Variants in SSBP2 observed in about 807,000 individuals in gnomAD.
SSBP2 encodes the protein single-stranded DNA-binding protein 2.
SSBP2 carries 17 observed loss-of-function variants against 61.8 expected under a neutral mutation model. The ratio of observed to expected loss-of-function variants is 0.28; its 90% CI spans 0.19 to 0.41. The LOEUF (loss-of-function observed/expected upper bound fraction) is 0.41. SSBP2 is among the 10% of genes least tolerant of loss of function. The pLI is 1.00. For synonymous variants in SSBP2, 139 were observed against 141.3 expected (o/e 0.98, Z 0.12); for missense variants, 310 against 458.7 (o/e 0.68, Z 2.96).
chr5:81,665,412 C>G (rs1751028989), intron 1 of SSBP2, among the ~76,000 whole-genome samples: 1 of 152,172 alleles, frequency 6.6e-6, no homozygotes, highest in South Asian at 2.1e-4. Context: ...ATCCTACACC[C>G]TTAAATCCCG....
At chr5:81,573,677 T>C (rs1326733528) in intron 4 of SSBP2, among the ~76,000 whole-genome samples, 1 of 152,174 alleles carries the variant, frequency 6.6e-6, no homozygotes, top group Non-Finnish European at 1.5e-5. Context: ...ATTAAGATTG[T>C]CAAATTATCT....
intron 1 of SSBP2, among the ~76,000 whole-genome samples, chr5:81,723,559 A>G (rs540399572): frequency 6.6e-6 from 1 of 152,166 alleles, no homozygotes; most frequent in East Asian, 1.9e-4. Context: ...GATGCGCATT[A>G]ACCCAAGTGC....
At chr5:81,572,367 C>T (rs942471373) in intron 4 of SSBP2, among the ~76,000 whole-genome samples, 1 of 152,096 alleles carries the variant, frequency 6.6e-6, no homozygotes, top group African/African-American at 2.4e-5. Flanking sequence ...TTGGAGAATA[C>T]AATTCTCTTA....
intron 4 of SSBP2, among the ~76,000 whole-genome samples, chr5:81,529,203 G>A (rs1452469413): frequency 6.6e-6 from 1 of 152,010 alleles, no homozygotes; most frequent in East Asian, 1.9e-4. Context: ...TAAAAACACA[G>A]CTATGGGGTA....
At chr5:81,699,970 C>A (rs573283182) in intron 1 of SSBP2, among the ~76,000 whole-genome samples, 1 of 151,442 alleles carries the variant, frequency 6.6e-6, no homozygotes, top group Admixed American at 6.6e-5. Context: ...ATCTTTCCAC[C>A]TGAAGTGGCT....
In SSBP2 at chr5:81,594,496, C is replaced by T. The variant is rs928850558; in HGVS notation, c.282+20977G>A. ...TCACCTCTGCACCAAGCGGACCTAACAGACATTTACAGAACTCTCCACCCC... is the reference window on the plus strand; with the variant it reads ...TCACCTCTGCACCAAGCGGACCTAATAGACATTTACAGAACTCTCCACCCC... On this transcript the variant is annotated intron_variant, in intron 4 of 16. Coordinates refer to ENST00000320672, the MANE Select transcript of SSBP2 (RefSeq NM_012446.5). Among the ~76,000 whole-genome samples the T allele has an allele frequency of 4.4e-4, 67 of 152,250 alleles. 1 individual carries two copies. Among genetic ancestry groups the T allele is most frequent in the African/African-American group, 1.4e-3 (57 of 41,542 alleles).
chr5:81,626,366 C>A (rs954334724), intron 3 of SSBP2, among the ~76,000 whole-genome samples: 2 of 152,140 alleles, frequency 1.3e-5, no homozygotes, highest in Non-Finnish European at 2.9e-5. Flanking sequence ...ATTATTATCC[C>A]CACTTTGTAG....
At chr5:81,745,709 C>A (rs1348681620) in intron 1 of SSBP2, among the ~76,000 whole-genome samples, 1 of 151,978 alleles carries the variant, frequency 6.6e-6, no homozygotes, top group Admixed American at 6.5e-5. Flanking sequence ...CCTAGTAGTT[C>A]CATGTCTTTC....
intron 10 of SSBP2, among the ~76,000 whole-genome samples, chr5:81,453,390 C>A (rs550939755): frequency 1.3e-5 from 2 of 150,670 alleles, no homozygotes; most frequent in South Asian, 4.2e-4. Context: ...AAAAGTCAAG[C>A]AAGTTAGATT....
intron 1 of SSBP2, among the ~76,000 whole-genome samples, chr5:81,726,849 G>C (rs909720467): frequency 6.6e-6 from 1 of 152,120 alleles, no homozygotes. Context: ...CACTTTCACA[G>C]CATTAATTGA....
chr5:81,473,803 T>G, intron 7 of SSBP2, 33 bp from the exon 8 acceptor site: 1 of 1,589,152 alleles, frequency 6.3e-7, no homozygotes, highest in Non-Finnish European at 8.6e-7. Flanking sequence ...AGCAAAGTAA[T>G]GAGCATGAGT....
chr5:81,660,942 G>A (rs1750632276), intron 1 of SSBP2, among the ~76,000 whole-genome samples: 1 of 151,874 alleles, frequency 6.6e-6, no homozygotes, highest in Non-Finnish European at 1.5e-5. Flanking sequence ...TCAGTCATAA[G>A]TGGGAGTTGA....
At chr5:81,696,416 T>C (rs1029593230) in intron 1 of SSBP2, among the ~76,000 whole-genome samples, 4 of 152,140 alleles carry the variant, frequency 2.6e-5, no homozygotes, top group African/African-American at 4.8e-5. Flanking sequence ...AAGGAAGAAA[T>C]TCCCTCTCAC....
chr5:81,461,115 T>G lies in SSBP2; in HGVS notation c.639-12A>C, dbSNP rs770024617. 1 of 1,575,290 alleles carries G rather than the reference T, an allele frequency of 6.3e-7. No individual in the cohort carries two copies. The highest frequency in any genetic ancestry group is 2.3e-5 in the East Asian group (1 of 43,676). ...CACCACCTGGACCCCTACAAAACAA[T>G]TTGATAAATGAAATTTTAACCTATG... On this transcript the variant is annotated splice_polypyrimidine_tract_variant and intron_variant, in intron 9 of 16. Transcript: ENST00000320672.
rs149657952 is a variant in SSBP2, at chr5:81,659,366, T to A, written c.63-9027A>T. Among the ~76,000 whole-genome samples the A allele has an allele frequency of 6.8e-3, 1,030 of 151,958 alleles. 3 individuals carry two copies. The highest frequency in any genetic ancestry group is 0.011 in the Non-Finnish European group (752 of 67,900). ...CAAAAATCACAAGCATTCCTATACA[T>A]TAACAAAAGACAAGTAGAGAGCCAA... On this transcript the variant is annotated intron_variant, in intron 1 of 16. Transcript: ENST00000320672.
Position 81,645,233 on chromosome 5 carries a change from A to G in SSBP2, c.135+5034T>C, listed in dbSNP as rs372947858. On this transcript the variant is annotated intron_variant, in intron 2 of 16. Coordinates refer to ENST00000320672, the MANE Select transcript of SSBP2 (RefSeq NM_012446.5). ...AGCAATTGCTTTTACCTCCTATACT[A>G]TATTGCCTCAAAATTAAAGTTCGAG... Among the ~76,000 whole-genome samples the G allele has an allele frequency of 4.9e-3, 748 of 152,326 alleles. 10 individuals are homozygous for G. The highest frequency in any genetic ancestry group is 0.018 in the African/African-American group (732 of 41,568).
At chr5:81,479,785 C>T (rs1435398020) in intron 6 of SSBP2, among the ~76,000 whole-genome samples, 1 of 152,030 alleles carries the variant, frequency 6.6e-6, no homozygotes, top group Non-Finnish European at 1.5e-5. Context: ...ATTATTCATC[C>T]TTTTTAATGA....
chr5:81,595,670 T>G (rs2153536101), intron 4 of SSBP2, among the ~76,000 whole-genome samples: 1 of 152,332 alleles, frequency 6.6e-6, no homozygotes, highest in Admixed American at 6.5e-5. Context: ...ATCCCTGGGA[T>G]GCAAGGCTGG....
At chr5:81,448,145 CCT>C (rs1441448451) in intron 11 of SSBP2, 1 of 152,090 alleles carries the variant, frequency 6.6e-6, no homozygotes, top group Non-Finnish European at 1.5e-5. Context: ...AACGTATTTT[CCT>C]CTGTGTTGAC....
Sources: gnomAD v4.1 joint callset for allele counts (sites outside exome capture counted in the v4.1 genomes callset) on GRCh38, gnomAD v4.1.1 for gene constraint, MANE v1.5 for transcripts, NCBI Gene and HGNC (gene_info 2026-07-23, HGNC 2026-07-21) for gene names.